GTF2A1: variants seen among roughly 807,000 people sequenced by gnomAD.
The protein encoded by GTF2A1 is transcription initiation factor IIA subunit 1.
Under a neutral mutation model 54.1 loss-of-function variants are expected in GTF2A1, and 12 were observed. The ratio of observed to expected loss-of-function variants is 0.22; its 90% CI spans 0.14 to 0.36. The LOEUF (loss-of-function observed/expected upper bound fraction) is 0.36. GTF2A1 is among the 10% of genes least tolerant of loss of function. The probability of loss-of-function intolerance (pLI) is 1.00; values close to 1 mark genes in which losing one functional copy is unlikely to be tolerated. For synonymous variants in GTF2A1, 145 were observed against 152.0 expected (o/e 0.95, Z 0.34); for missense variants, 335 against 442.2 (o/e 0.76, Z 2.17).
At chr14:81,213,119 C>T (rs1163795487) in intron 2 of GTF2A1, among the ~76,000 whole-genome samples, 5 of 152,140 alleles carry the variant, frequency 3.3e-5, no homozygotes, top group Admixed American at 2.0e-4. Flanking sequence ...ATTCAGGTGC[C>T]GTATCTATTA....
intron 2 of GTF2A1, among the ~76,000 whole-genome samples, chr14:81,214,631 G>A (rs1162303522): frequency 6.7e-6 from 1 of 149,640 alleles, no homozygotes; most frequent in South Asian, 2.1e-4. Flanking sequence ...GGGTGACAGA[G>A]CGAAACTCCG....
At chr14:81,209,056 C>G (rs1336989955) in intron 2 of GTF2A1, among the ~76,000 whole-genome samples, 1 of 152,036 alleles carries the variant, frequency 6.6e-6, no homozygotes, top group Non-Finnish European at 1.5e-5. Context: ...TGGGAAGGTA[C>G]GATTGGTTTT....
intron 2 of GTF2A1, among the ~76,000 whole-genome samples, chr14:81,212,407 T>C (rs1168127211): frequency 1.3e-5 from 2 of 152,206 alleles, no homozygotes; most frequent in Non-Finnish European, 2.9e-5. Flanking sequence ...TATTTTATTG[T>C]GTTTTTTCTA....
At position 81,220,532 on chromosome 14, in the gene GTF2A1, A is replaced by G. The variant is rs756652804; in HGVS notation, c.-14T>C. On this transcript the variant is annotated 5_prime_UTR_variant, in exon 1 of 9. Transcript: ENST00000553612. Reference sequence around the variant, plus strand: ...CGAGTTCGCCATTTCCACACACAACACAAACAAGAGGGGGCAACCCCAAGA... The same window carrying G: ...CGAGTTCGCCATTTCCACACACAACGCAAACAAGAGGGGGCAACCCCAAGA... 1 of 1,565,548 alleles carries G rather than the reference A, an allele frequency of 6.4e-7. No homozygotes were observed. The highest frequency in any genetic ancestry group is 8.7e-7 in the Non-Finnish European group (1 of 1,153,966).
At chr14:81,189,850 A>G (rs1892835710) in intron 7 of GTF2A1, among the ~76,000 whole-genome samples, 1 of 152,224 alleles carries the variant, frequency 6.6e-6, no homozygotes, top group Non-Finnish European at 1.5e-5. Context: ...AGCAATTTCA[A>G]AAGATTCACA....
chr14:81,187,617 G>A (rs190641813), intron 7 of GTF2A1, among the ~76,000 whole-genome samples: 62 of 152,248 alleles, frequency 4.1e-4, no homozygotes, highest in Admixed American at 7.9e-4. Flanking sequence ...TATAATATGT[G>A]GCGTTGTGTG....
intron 2 of GTF2A1, among the ~76,000 whole-genome samples, chr14:81,210,595 T>C (rs1440846159): frequency 1.3e-5 from 2 of 152,202 alleles, no homozygotes; most frequent in East Asian, 3.9e-4. Context: ...CACTTTGTTG[T>C]CCGGGCTGGA....
At chr14:81,219,378 G>C (rs1893558643) in intron 1 of GTF2A1, among the ~76,000 whole-genome samples, 2 of 152,360 alleles carry the variant, frequency 1.3e-5, no homozygotes, top group East Asian at 1.9e-4. Context: ...TTTAAAGCCG[G>C]ATCTGGTGTT....
In GTF2A1 at chr14:81,197,452, G is replaced by C; in HGVS notation, c.435C>G (p.Leu145=). The change falls in exon 5 of 9, where the codon CTC becomes CTG. Residue 145 remains leucine (L), a synonymous_variant. Transcript: ENST00000553612. ...GCTGAACAGGAGTCACACCTGCAGG[G>C]AGTGCTAAGGTAGCAGCTGTAGCAG... ...SAAATAATLA[L]PAGVTPVQQI... 6.3e-7 allele frequency: 1 copy of C among 1,590,958 alleles called. No homozygotes were observed. The highest frequency in any genetic ancestry group is 8.6e-7 in the Non-Finnish European group (1 of 1,163,886).
At chr14:81,216,800 TTCAA>T (rs1269567584) in intron 1 of GTF2A1, among the ~76,000 whole-genome samples, 1 of 152,222 alleles carries the variant, frequency 6.6e-6, no homozygotes, top group African/African-American at 2.4e-5. Flanking sequence ...TAATGTAATG[TTCAA>T]TAATAGCTTT....
At chr14:81,188,346 C>A (rs553948866) in intron 7 of GTF2A1, among the ~76,000 whole-genome samples, 2 of 152,114 alleles carry the variant, frequency 1.3e-5, no homozygotes, top group Non-Finnish European at 2.9e-5. Context: ...CACGATCATG[C>A]CACTGCACTC....
intron 2 of GTF2A1, among the ~76,000 whole-genome samples, chr14:81,204,658 C>T (rs529780063): frequency 2.6e-5 from 4 of 152,298 alleles, no homozygotes; most frequent in African/African-American, 7.2e-5. Flanking sequence ...GAACCGGCAA[C>T]GCCCGAAGGT....
At chr14:81,194,880 C>T (rs111501707) in intron 6 of GTF2A1, among the ~76,000 whole-genome samples, 4 of 152,206 alleles carry the variant, frequency 2.6e-5, no homozygotes, top group South Asian at 2.1e-4. Context: ...CAGTGGCTCA[C>T]GCCCATAATC....
chr14:81,213,299 T>C (rs923737770), intron 2 of GTF2A1, among the ~76,000 whole-genome samples: 11 of 142,128 alleles, frequency 7.7e-5, no homozygotes, highest in African/African-American at 2.9e-4. Flanking sequence ...AAAAGTCATA[T>C]ATAACAAAAA....
intron 2 of GTF2A1, among the ~76,000 whole-genome samples, chr14:81,212,253 T>C (rs1230553116): frequency 6.6e-6 from 1 of 152,164 alleles, no homozygotes; most frequent in Non-Finnish European, 1.5e-5. Flanking sequence ...CATTTGGACA[T>C]AGGTAGGTTG....
Position 81,192,745 on chromosome 14 carries a change from A to G in GTF2A1, c.707T>C (p.Ile236Thr), listed in dbSNP as rs756709499. The change falls in exon 7 of 9, where the codon ATA becomes ACA. Residue 236 changes from isoleucine (I) to threonine (T), a missense_variant. By Grantham distance (89) the Ile-to-Thr change is moderately conservative (BLOSUM62 -1). Transcript: ENST00000553612. ...TGTAGGTGCTGCCACTGTCGTAGGT[A>G]TAACTTGAGTCTTATTTCCTGTAAA... is the stretch of plus-strand genomic sequence containing the variant. ...ILFTGNKTQV[I>T]PTTVAAPTPA... 5.6e-5 allele frequency: 91 copies of G among 1,613,514 alleles called. No homozygotes were observed. The highest frequency in any genetic ancestry group is 7.3e-5 in the Non-Finnish European group (86 of 1,179,500).
chr14:81,205,563 T>C (rs747898708), intron 2 of GTF2A1, among the ~76,000 whole-genome samples: 2 of 152,202 alleles, frequency 1.3e-5, no homozygotes, highest in African/African-American at 2.4e-5. Context: ...TATATTATTA[T>C]TGGTGGCAGT....
Position 81,177,546 on chromosome 14 carries a change from T to C in GTF2A1, c.*2677A>G, listed in dbSNP as rs1035651552. 1 of 152,134 alleles carries C rather than the reference T, an allele frequency of 6.6e-6. No homozygotes were observed. The highest frequency in any genetic ancestry group is 2.4e-5 in the African/African-American group (1 of 41,448). The allele number at this position is 152,134 out of a possible 1,614,324, so 9.4% of individuals were successfully genotyped here. On this transcript the variant is annotated 3_prime_UTR_variant, in exon 9 of 9. Coordinates refer to ENST00000553612, the MANE Select transcript of GTF2A1 (RefSeq NM_015859.4). ...CCTTAGCACTGTTGATTAATGTTAA[T>C]TTAAGTAAAAGGTGCCATCGCCATC...
At chr14:81,197,214 T>C in intron 5 of GTF2A1, 195 bp downstream of exon 5, 1 of 473,750 alleles carries the variant, frequency 2.1e-6, no homozygotes, top group South Asian at 3.6e-5. Context: ...ACAATTTTCA[T>C]CTTCTTTACT....
Sources: allele counts gnomAD v4.1 joint callset (sites outside exome capture counted in the v4.1 genomes callset), GRCh38; gene constraint gnomAD v4.1.1; transcripts MANE v1.5; gene names NCBI Gene and HGNC (gene_info 2026-07-23, HGNC 2026-07-21).